The following UIMC1 variants were observed in gnomAD, a reference collection of about 807,000 sequenced individuals.
UIMC1 encodes the protein BRCA1-A complex subunit RAP80.
UIMC1 carries 42 observed loss-of-function variants against 84.9 expected under a neutral mutation model. That is an observed-to-expected ratio of 0.49 (90% CI 0.39 to 0.64). The LOEUF (loss-of-function observed/expected upper bound fraction) is 0.64, where lower values mean the gene tolerates loss of function less well. Ranked by LOEUF, UIMC1 falls within the 30% of genes least tolerant of loss-of-function variation. The pLI is 0.00. For missense variants in UIMC1, 825 were observed against 847.6 expected (o/e 0.97, Z 0.33); for synonymous variants, 281 against 293.0 (o/e 0.96, Z 0.42).
At chr5:176,935,298 T>C (rs1186734310) in intron 10 of UIMC1, among the ~76,000 whole-genome samples, 2 of 152,210 alleles carry the variant, frequency 1.3e-5, no homozygotes, top group African/African-American at 2.4e-5. Flanking sequence ...TCTATTTATG[T>C]GATTTTAGCC....
chr5:177,000,190 C>G (rs1774238546), intron 1 of UIMC1, among the ~76,000 whole-genome samples: 1 of 152,150 alleles, frequency 6.6e-6, no homozygotes, highest in Non-Finnish European at 1.5e-5. Flanking sequence ...AATCTGACCT[C>G]ATGATCCGCC....
At chr5:177,021,866 G>C (rs1356472671) in intron 1 of UIMC1, among the ~76,000 whole-genome samples, 1 of 152,130 alleles carries the variant, frequency 6.6e-6, no homozygotes, top group Non-Finnish European at 1.5e-5. Flanking sequence ...GGTCAGGCTG[G>C]TCTCGAACTC....
chr5:176,985,059 CT>C (rs776361307), intron 1 of UIMC1, among the ~76,000 whole-genome samples: 1 of 152,072 alleles, frequency 6.6e-6, no homozygotes, highest in Non-Finnish European at 1.5e-5. Context: ...CCACATCCCC[CT>C]CTCCAAGAAA....
intron 10 of UIMC1, among the ~76,000 whole-genome samples, chr5:176,933,661 G>A (rs752183567): frequency 1.5e-4 from 22 of 151,602 alleles, no homozygotes; most frequent in Non-Finnish European, 2.8e-4. Context: ...CTCAGCCTCC[G>A]AAGTAACTGG....
Position 176,975,376 on chromosome 5 carries a change from T to A in UIMC1, c.232+20A>T, listed in dbSNP as rs755371228. The A allele has an allele frequency of 6.2e-7, 1 of 1,611,790 alleles. No individual in the cohort carries two copies. Among genetic ancestry groups the A allele is most frequent in the African/African-American group, 1.3e-5 (1 of 74,986 alleles). On this transcript the variant is annotated intron_variant, in intron 3 of 14. Transcript: ENST00000511320. ...GACTATTACAATTCCCAAACCATTA[T>A]CAACAAAATGAAAACATACGTGCGA...
chr5:176,948,091 C>T, intron 9 of UIMC1, among the ~76,000 whole-genome samples: 1 of 151,876 alleles, frequency 6.6e-6, no homozygotes, highest in South Asian at 2.1e-4. Context: ...TACTGAAAAA[C>T]TTAACTGACT....
Position 176,905,251 on chromosome 5 carries a change from A to G in UIMC1, c.*31T>C. On this transcript the variant is annotated 3_prime_UTR_variant, in exon 15 of 15. Coordinates refer to ENST00000511320, the MANE Select transcript of UIMC1 (RefSeq NM_001199298.2). ...TGAACATGGCCCACCCCTCCTACTA[A>G]TGGTTTTGTCAACTTTTGGACCCTA... The G allele has an allele frequency of 6.2e-7, 1 of 1,609,464 alleles. No homozygotes were observed. Among genetic ancestry groups the G allele is most frequent in the Non-Finnish European group, 8.5e-7 (1 of 1,176,846 alleles).
At chr5:176,943,016 C>A (rs975373441) in intron 10 of UIMC1, among the ~76,000 whole-genome samples, 3 of 152,098 alleles carry the variant, frequency 2.0e-5, no homozygotes, top group African/African-American at 7.2e-5. Context: ...AAGCCAAGAT[C>A]GCGCCACTGC....
chr5:176,970,932 A>C (rs1367603914), intron 3 of UIMC1, 66 bp from the exon 4 acceptor site: 2 of 1,564,176 alleles, frequency 1.3e-6, no homozygotes, highest in African/African-American at 2.7e-5. Flanking sequence ...GGAGGCAAGA[A>C]AGAGAATTAT....
At chr5:176,972,667 C>A (rs1283624269) in intron 3 of UIMC1, among the ~76,000 whole-genome samples, 1 of 151,972 alleles carries the variant, frequency 6.6e-6, no homozygotes, top group Non-Finnish European at 1.5e-5. Flanking sequence ...ACCCGGGAGG[C>A]GGAGGTTGCA....
chr5:176,982,600 T>C lies in UIMC1; in HGVS notation c.16A>G (p.Lys6Glu). The C allele has an allele frequency of 6.2e-7, 1 of 1,613,822 alleles. No homozygotes were observed. Among genetic ancestry groups the C allele is most frequent in the Non-Finnish European group, 8.5e-7 (1 of 1,179,958 alleles). MPRRK[K>E]KVKEVSESRN... is the part of the protein sequence containing the mutation. ...GATTCGGAGACTTCTTTAACTTTTT[T>C]CTTTCTCCGTGGCATCCTTTTGTCT... Residue 6 changes from lysine to glutamate, a missense_variant, in exon 2 of 15, where the codon AAA becomes GAA. Physicochemically the swap from Lys to Glu is moderately conservative, Grantham distance 56. Transcript: ENST00000511320.
intron 10 of UIMC1, among the ~76,000 whole-genome samples, chr5:176,917,872 T>C (rs1048649913): frequency 6.6e-6 from 1 of 152,002 alleles, no homozygotes; most frequent in Non-Finnish European, 1.5e-5. Context: ...GGCAGGAGAA[T>C]TGCTTGAACC....
At position 176,968,434 on chromosome 5, in the gene UIMC1, A is replaced by G. The variant is rs562522171; in HGVS notation, c.1200+121T>C. ...CTCTCCTGTACTTTCCTAATTTTCT[A>G]TAGTGAACATGTATTACTTTAATAA... On this transcript the variant is annotated intron_variant, in intron 6 of 14. Transcript: ENST00000511320. The G allele has an allele frequency of 4.4e-6, 6 of 1,370,498 alleles. No homozygotes were observed. The South Asian group carries it at 7.4e-5, about 17-fold the overall frequency. 84.9% of individuals were successfully genotyped at this position (1,370,498 alleles called of 1,614,324 possible). A position where few individuals can be genotyped will look rare whatever the true frequency, so the allele number is the denominator to read the frequency against.
intron 10 of UIMC1, among the ~76,000 whole-genome samples, chr5:176,915,901 A>G (rs573713270): frequency 1.3e-5 from 2 of 152,316 alleles, no homozygotes; most frequent in Non-Finnish European, 2.9e-5. Context: ...CCTGGAAAAT[A>G]AGAAGCTAAA....
At chr5:176,939,117 C>T (rs575228220) in intron 10 of UIMC1, among the ~76,000 whole-genome samples, 1 of 151,466 alleles carries the variant, frequency 6.6e-6, no homozygotes, top group Non-Finnish European at 1.5e-5. Context: ...ACTAGCCAGG[C>T]GGGGTGGTGT....
chr5:176,994,873 T>A (rs943440253), intron 1 of UIMC1, among the ~76,000 whole-genome samples: 2 of 151,708 alleles, frequency 1.3e-5, no homozygotes, highest in African/African-American at 4.9e-5. Flanking sequence ...AACAGGAACT[T>A]ACAAAACTTG....
rs1360908575 is a variant in UIMC1 at position 176,905,504 on chromosome 5, GA to G, written c.1950-13del. ...CTGGTGAAGGCACCCTAGAGAGAAGGAAAAAAATTCAGATTCAATATACACC... is the reference window on the plus strand; with the variant it reads ...CTGGTGAAGGCACCCTAGAGAGAAGGAAAAAATTCAGATTCAATATACACC... On this transcript the variant is annotated splice_polypyrimidine_tract_variant and intron_variant, in intron 14 of 14. Transcript: ENST00000511320. 2.5e-6 allele frequency: 4 copies of G among 1,607,832 alleles called. No individual in the cohort carries two copies. The Admixed American group carries it at 6.8e-5, about 27-fold the overall frequency.
intron 1 of UIMC1, among the ~76,000 whole-genome samples, chr5:177,012,810 T>C (rs890920175): frequency 5.3e-5 from 8 of 152,074 alleles, no homozygotes; most frequent in Non-Finnish European, 7.4e-5. Flanking sequence ...TCAAAGTAGA[T>C]GTTTAAACAA....
At chr5:177,012,990 A>G (rs556626320) in intron 1 of UIMC1, among the ~76,000 whole-genome samples, 4 of 151,470 alleles carry the variant, frequency 2.6e-5, no homozygotes, top group Admixed American at 2.6e-4. Flanking sequence ...CTCAGGCAGG[A>G]GGATTGCTTG....
Sources: gnomAD v4.1 joint callset for allele counts (sites outside exome capture counted in the v4.1 genomes callset) on GRCh38, gnomAD v4.1.1 for gene constraint, MANE v1.5 for transcripts, NCBI Gene and HGNC (gene_info 2026-07-23, HGNC 2026-07-21) for gene names.